The following HEG1 variants were observed in gnomAD, a reference collection of about 807,000 sequenced individuals.
HEG1 encodes the protein heart development protein with EGF like domains 1.
A neutral mutation model predicts 125.6 loss-of-function variants in HEG1; 56 were observed. The observed-to-expected ratio is 0.45, with a 90% CI of 0.36 to 0.56. The LOEUF is 0.56. Ranked by LOEUF, HEG1 falls within the 20% of genes least tolerant of loss-of-function variation. HEG1 has a pLI of 0.00. For synonymous variants in HEG1, 644 were observed against 668.5 expected, an observed-to-expected ratio of 0.96 and a Z score of 0.57; for missense variants, 1,523 against 1,670.0, an observed-to-expected ratio of 0.91 and a Z score of 1.53.
chr3:125,013,203 T>C lies in HEG1; in HGVS notation c.2376A>G (p.Glu792=). 6.2e-7 allele frequency: 1 copy of C among 1,614,030 alleles called. No individual in the cohort carries two copies. The highest frequency in any genetic ancestry group is 1.3e-5 in the African/African-American group (1 of 75,052). The change falls in exon 6 of 17, where the codon GAA becomes GAG. Residue 792 remains glutamate, a synonymous_variant. Transcript: ENST00000311127. The part of the protein sequence containing the change: ...STPHQEKVIT[E]SKSPSLVSLP... The stretch of plus-strand genomic sequence containing the variant: ...GAGACACCAGGCTTGGTGACTTTGA[T>C]TCTGTAATGACTTTCTCTTGGTGTG...
intron 11 of HEG1, among the ~76,000 whole-genome samples, chr3:125,000,504 CAT>C (rs925903150): frequency 6.6e-6 from 1 of 152,094 alleles, no homozygotes; most frequent in Non-Finnish European, 1.5e-5. Context: ...AAAGTAAAAC[CAT>C]AGAGTCTCAA....
At chr3:124,994,529 G>A (rs1186627394) in intron 12 of HEG1, among the ~76,000 whole-genome samples, 3 of 149,556 alleles carry the variant, frequency 2.0e-5, no homozygotes, top group South Asian at 2.1e-4. Flanking sequence ...TTTTGGAGAC[G>A]GAGTCTTGCT....
intron 1 of HEG1, among the ~76,000 whole-genome samples, chr3:125,048,323 C>T (rs1363887494): frequency 6.6e-6 from 1 of 152,250 alleles, no homozygotes; most frequent in Non-Finnish European, 1.5e-5. Flanking sequence ...GACCCTGCTG[C>T]AGGACCCTCC....
chr3:124,983,837 C>T (rs1435319257), intron 14 of HEG1, among the ~76,000 whole-genome samples: 1 of 152,156 alleles, frequency 6.6e-6, no homozygotes, highest in Non-Finnish European at 1.5e-5. Flanking sequence ...ATCCCTTCCA[C>T]CTCACCAAAT....
rs1177552674 is a variant in HEG1 at position 125,019,434 on chromosome 3, G to C, written c.1416C>G (p.Ser472Arg). 1 of 1,614,032 alleles carries C rather than the reference G, an allele frequency of 6.2e-7. No individual in the cohort carries two copies. The highest frequency in any genetic ancestry group is 8.5e-7 in the Non-Finnish European group (1 of 1,179,896). The change falls in exon 5 of 17, where the codon AGC becomes AGG. Residue 472 changes from serine (S) to arginine (R), a missense_variant. Physicochemically the swap from Ser to Arg is moderately radical, Grantham distance 110. Coordinates refer to ENST00000311127, the MANE Select transcript of HEG1 (RefSeq NM_020733.2). ...TCACACCTTCAGGATATGAAGCAGA[G>C]CTTCCTGTCACATCTGCAGATGTTG... ...NSTTSADVTG[S>R]SASYPEGVNA...
chr3:125,011,295 G>A (rs956965282), intron 6 of HEG1, among the ~76,000 whole-genome samples: 7 of 151,746 alleles, frequency 4.6e-5, no homozygotes, highest in African/African-American at 1.7e-4. Flanking sequence ...ACCTAAAGAT[G>A]GTGTTCCTAT....
At chr3:125,033,878 G>A (rs1203214038) in intron 1 of HEG1, among the ~76,000 whole-genome samples, 4 of 152,170 alleles carry the variant, frequency 2.6e-5, no homozygotes, top group Admixed American at 6.5e-5. Flanking sequence ...GCGCATGTGC[G>A]AAAGATCTAG....
chr3:125,002,680 C>T (rs1356790457), intron 9 of HEG1, among the ~76,000 whole-genome samples: 1 of 152,196 alleles, frequency 6.6e-6, no homozygotes, highest in Non-Finnish European at 1.5e-5. Flanking sequence ...ACGAGCTGCA[C>T]TGGAAAGGCT....
chr3:125,055,933 C>CA lies in HEG1; in HGVS notation c.-44_-43insT. 1.8e-6 allele frequency: 1 copy of CA among 546,970 alleles called. No individual in the cohort carries two copies. The highest frequency in any genetic ancestry group is 2.2e-6 in the Non-Finnish European group (1 of 462,940). The allele number at this position is 546,970 out of a possible 1,614,324, so 33.9% of individuals were successfully genotyped here. On this transcript the variant is annotated 5_prime_UTR_variant, in exon 1 of 17. Transcript: ENST00000311127. ...GCGCTCACATGCCCGGCGCGCGGGG[C>CA]GAGGGCAGCGGGCAGCGGGCAGCGG...
At chr3:125,049,309 T>C (rs1937751089) in intron 1 of HEG1, among the ~76,000 whole-genome samples, 1 of 152,214 alleles carries the variant, frequency 6.6e-6, no homozygotes, top group African/African-American at 2.4e-5. Context: ...CCATGCTATA[T>C]TCAGATTATC....
intron 8 of HEG1, among the ~76,000 whole-genome samples, chr3:125,009,034 T>A (rs1210723376): frequency 6.6e-6 from 1 of 152,240 alleles, no homozygotes; most frequent in Admixed American, 6.5e-5. Context: ...AGGCCTTGGT[T>A]TTCGTTTGGT....
At chr3:125,037,906 G>GT (rs1449595599) in intron 1 of HEG1, among the ~76,000 whole-genome samples, 1 of 152,198 alleles carries the variant, frequency 6.6e-6, no homozygotes, top group East Asian at 1.9e-4. Context: ...CTTGCCTTCT[G>GT]TAAAATGAGG....
intron 1 of HEG1, among the ~76,000 whole-genome samples, chr3:125,042,960 G>A (rs1937607254): frequency 6.6e-6 from 1 of 152,222 alleles, no homozygotes; most frequent in Non-Finnish European, 1.5e-5. Context: ...GAAGCCAAAT[G>A]AGTTTGTGTG....
chr3:125,024,976 GGGTGGAGT>G (rs1478554874), intron 3 of HEG1, among the ~76,000 whole-genome samples: 1 of 152,218 alleles, frequency 6.6e-6, no homozygotes. Context: ...ATTTCCTAGT[GGGTGGAGT>G]GGCCAAGTGT....
intron 9 of HEG1, among the ~76,000 whole-genome samples, chr3:125,002,845 A>G (rs1418505553): frequency 6.6e-6 from 1 of 152,200 alleles, no homozygotes; most frequent in Non-Finnish European, 1.5e-5. Context: ...GCAAATTAAG[A>G]GCTACTCTCC....
At chr3:124,994,260 G>A (rs953645763) in intron 12 of HEG1, among the ~76,000 whole-genome samples, 19 of 152,176 alleles carry the variant, frequency 1.2e-4, no homozygotes, top group Non-Finnish European at 2.9e-5. Context: ...GACAGGAGGC[G>A]GAACTCAGCT....
intron 5 of HEG1, among the ~76,000 whole-genome samples, chr3:125,019,048 A>G (rs1415535571): frequency 6.6e-6 from 1 of 151,954 alleles, no homozygotes; most frequent in Non-Finnish European, 1.5e-5. Context: ...TTGTATTGTT[A>G]GTAGAGACAG....
At chr3:125,047,810 C>T (rs1371266930) in intron 1 of HEG1, among the ~76,000 whole-genome samples, 1 of 152,224 alleles carries the variant, frequency 6.6e-6, no homozygotes, top group Non-Finnish European at 1.5e-5. Context: ...TCTCCTGCCT[C>T]TTGCTACTCC....
At chr3:125,031,608 G>A (rs1472310656) in intron 1 of HEG1, among the ~76,000 whole-genome samples, 1 of 151,860 alleles carries the variant, frequency 6.6e-6, no homozygotes, top group African/African-American at 2.4e-5. Flanking sequence ...CAAACCATCG[G>A]ACAAGTAGAG....
Sources: allele counts gnomAD v4.1 joint callset (sites outside exome capture counted in the v4.1 genomes callset), GRCh38; gene constraint gnomAD v4.1.1; transcripts MANE v1.5; gene names NCBI Gene and HGNC (gene_info 2026-07-23, HGNC 2026-07-21).